Variants in CLEC16A observed in about 807,000 individuals in gnomAD.
CLEC16A encodes protein CLEC16A.
Under a neutral mutation model 109.5 loss-of-function variants are expected in CLEC16A, and 51 were observed. That is an observed-to-expected ratio of 0.47 (90% CI 0.37 to 0.59). The LOEUF (loss-of-function observed/expected upper bound fraction) is 0.59. CLEC16A is among the 20% of genes least tolerant of loss of function. CLEC16A has a pLI of 0.00. For synonymous variants in CLEC16A, 673 were observed against 564.2 expected, an observed-to-expected ratio of 1.19 and a Z score of -2.73; for missense variants, 1,339 against 1,394.0, an observed-to-expected ratio of 0.96 and a Z score of 0.63.
chr16:11,047,578 A>G (rs1237705790), intron 17 of CLEC16A: 2 of 350,514 alleles, frequency 5.7e-6, no homozygotes, highest in East Asian at 5.0e-5. Flanking sequence ...ATTCTCTGCT[A>G]TGAATAGTAA....
In CLEC16A at chr16:11,126,474, C is replaced by T. The variant is rs1385872093; in HGVS notation, c.2641+328C>T. 8.7e-6 allele frequency: 10 copies of T among 1,146,342 alleles called. No homozygotes were observed. The East Asian group carries it at 1.6e-4, about 18-fold the overall frequency. 71.0% of individuals were successfully genotyped at this position (1,146,342 alleles called of 1,614,324 possible). Reference sequence around the variant, plus strand: ...TGCTGAAGTTGTGGGAGAGTAATTTCCTTCTCCATGTAAGATGACTAGAAA... The same window carrying T: ...TGCTGAAGTTGTGGGAGAGTAATTTTCTTCTCCATGTAAGATGACTAGAAA... On this transcript the variant is annotated intron_variant, in intron 22 of 23. Coordinates refer to ENST00000409790, the MANE Select transcript of CLEC16A (RefSeq NM_015226.3).
chr16:11,092,979 G>T (rs533429223), intron 19 of CLEC16A, among the ~76,000 whole-genome samples: 117 of 152,294 alleles, frequency 7.7e-4, no homozygotes, highest in African/African-American at 2.6e-3. Context: ...CCCTACCCCA[G>T]TGTCGAGGCC....
intron 10 of CLEC16A, among the ~76,000 whole-genome samples, chr16:10,987,754 C>T (rs2043761900): frequency 6.6e-6 from 1 of 152,206 alleles, no homozygotes; most frequent in African/African-American, 2.4e-5. Context: ...CGAGAACAGA[C>T]TCCTATTGTT....
chr16:11,156,994 C>A, intron 22 of CLEC16A: 1 of 1,167,706 alleles, frequency 8.6e-7, no homozygotes, highest in Non-Finnish European at 1.1e-6. Flanking sequence ...GACCTTCACC[C>A]GACAGCAAAA....
At chr16:11,062,710 TTCTTGGAAGAA>T (rs2048549140) in intron 19 of CLEC16A, among the ~76,000 whole-genome samples, 1 of 152,210 alleles carries the variant, frequency 6.6e-6, no homozygotes, top group African/African-American at 2.4e-5. Context: ...ATCTTTCCCT[TTCTTGGAAGAA>T]TAAAGCAGCT....
chr16:11,039,851 G>A lies in CLEC16A; in HGVS notation c.1635G>A (p.Arg545=), dbSNP rs779134465. The change falls in exon 14 of 24, where the codon AGG becomes AGA. Residue 545 remains arginine (R), a synonymous_variant. Transcript: ENST00000409790. ...YNHPLAERLI[R]IMNNAAQPDG... is the part of the protein sequence containing the mutation. ...ACCCGCTAGCTGAAAGACTCATCAG[G>A]ATCATGAACAACGCTGCCCAGCCAG... The A allele has an allele frequency of 1.2e-6, 2 of 1,612,922 alleles. No homozygotes were observed. Among genetic ancestry groups the A allele is most frequent in the East Asian group, 2.2e-5 (1 of 44,842 alleles).
In CLEC16A at chr16:11,020,336, G is replaced by A. The variant is rs200493825; in HGVS notation, c.1436+11G>A. On this transcript the variant is annotated intron_variant, in intron 12 of 23. Transcript: ENST00000409790. Reference sequence around the variant, plus strand: ...CACGCAATGGAGCAGGTAGCTGCCCGAGAGGTCGATGCTGAGTGCTCTCTC... The same window carrying A: ...CACGCAATGGAGCAGGTAGCTGCCCAAGAGGTCGATGCTGAGTGCTCTCTC... 1.9e-5 allele frequency: 31 copies of A among 1,600,294 alleles called. No homozygotes were observed. The highest frequency in any genetic ancestry group is 6.9e-5 in the Admixed American group (4 of 57,782).
chr16:11,122,770 G>T (rs879888889), intron 20 of CLEC16A, among the ~76,000 whole-genome samples: 1 of 152,088 alleles, frequency 6.6e-6, no homozygotes, highest in Admixed American at 6.6e-5. Context: ...GATTGTCTAT[G>T]CAGAGTCCGT....
intron 10 of CLEC16A, among the ~76,000 whole-genome samples, chr16:10,993,489 A>G (rs1452722526): frequency 6.6e-6 from 1 of 152,214 alleles, no homozygotes; most frequent in African/African-American, 2.4e-5. Context: ...CCCATAAGGA[A>G]GCCAAGGTTC....
At position 10,957,901 on chromosome 16, in the gene CLEC16A, C is replaced by T. The variant is rs200715491; in HGVS notation, c.200C>T (p.Ser67Phe). ...ATCTGGGGAGATCAAAATGACAGCT[C>T]TGTATTTGAGTAAGGGTTTCTAATG... ...ILIWGDQNDSSVFDFFLEKNM... is the reference protein window; with the variant it reads ...ILIWGDQNDSFVFDFFLEKNM... The change falls in exon 2 of 24, where the codon TCT becomes TTT. Residue 67 changes from serine (S) to phenylalanine (F), a missense_variant. This residue lies in a region of CLEC16A where 117 missense variants were observed against 120.2 expected (regional missense o/e 0.97). Coordinates refer to ENST00000409790, the MANE Select transcript of CLEC16A (RefSeq NM_015226.3). 1 of 1,613,662 alleles carries T rather than the reference C, an allele frequency of 6.2e-7. No homozygotes were observed. Among genetic ancestry groups the T allele is most frequent in the African/African-American group, 1.3e-5 (1 of 74,880 alleles).
chr16:10,969,357 C>G lies in CLEC16A; in HGVS notation c.492+48C>G. ...CGTGTGGGTGTAAAGCCACACGTGG[C>G]TTTTTTTTTTTTTTTTTACGGCAGC... On this transcript the variant is annotated intron_variant, in intron 4 of 23. Coordinates refer to ENST00000409790, the MANE Select transcript of CLEC16A (RefSeq NM_015226.3). The G allele has an allele frequency of 2.0e-6, 2 of 999,056 alleles. No individual in the cohort carries two copies. The highest frequency in any genetic ancestry group is 1.4e-6 in the Non-Finnish European group (1 of 736,942). The allele number at this position is 999,056 out of a possible 1,614,324, so 61.9% of individuals were successfully genotyped here. A position where few individuals can be genotyped will look rare whatever the true frequency, so the allele number is the denominator to read the frequency against.
intron 22 of CLEC16A, among the ~76,000 whole-genome samples, chr16:11,150,927 TCTAC>T (rs2054269494): frequency 6.6e-6 from 1 of 152,190 alleles, no homozygotes; most frequent in Non-Finnish European, 1.5e-5. Flanking sequence ...CACGTGATGT[TCTAC>T]CTGTGTGAAA....
Position 11,125,996 on chromosome 16 carries a change from A to C in CLEC16A, c.2491A>C (p.Ile831Leu), listed in dbSNP as rs1382672955. 1 of 1,591,644 alleles carries C rather than the reference A, an allele frequency of 6.3e-7. No homozygotes were observed. Among genetic ancestry groups the C allele is most frequent in the Non-Finnish European group, 8.5e-7 (1 of 1,170,422 alleles). ...QRIAALLDLP[I>L]QPTTEVLGFG... ...GACCGTAGCCCTCCTGGACCTCCCA[A>C]TCCAGCCCACCACTGAAGTCCTGGG... Residue 831 changes from isoleucine to leucine, a missense_variant, in exon 22 of 24, where the codon ATC (isoleucine) becomes CTC (leucine). Ile to Leu is a conservative substitution (Grantham distance 5). Coordinates refer to ENST00000409790, the MANE Select transcript of CLEC16A (RefSeq NM_015226.3).
chr16:11,140,248 C>A (rs765315536), intron 22 of CLEC16A, among the ~76,000 whole-genome samples: 8 of 152,204 alleles, frequency 5.3e-5, no homozygotes, highest in Non-Finnish European at 1.2e-4. Flanking sequence ...GTTCCAGGCA[C>A]ACTCCAGCCT....
chr16:11,106,195 T>G (rs1260816407), intron 19 of CLEC16A, among the ~76,000 whole-genome samples: 1 of 152,178 alleles, frequency 6.6e-6, no homozygotes, highest in Non-Finnish European at 1.5e-5. Context: ...AAAATTTTAT[T>G]TTGAAACCTT....
At chr16:11,078,064 A>G (rs1239065266) in intron 19 of CLEC16A, among the ~76,000 whole-genome samples, 1 of 150,776 alleles carries the variant, frequency 6.6e-6, no homozygotes, top group African/African-American at 2.4e-5. Flanking sequence ...ATAAATTTTC[A>G]TTTTTACTTT....
intron 19 of CLEC16A, among the ~76,000 whole-genome samples, chr16:11,101,660 G>T (rs191948380): frequency 9.9e-4 from 151 of 152,276 alleles, no homozygotes; most frequent in African/African-American, 3.3e-3. Flanking sequence ...GAACAAAAAT[G>T]ACAAAAATCC....
At chr16:11,047,951 T>C (rs973090724) in intron 17 of CLEC16A, 1 of 152,226 alleles carries the variant, frequency 6.6e-6, no homozygotes, top group African/African-American at 2.4e-5. Context: ...CTCACTATCA[T>C]GAGAACAGTA....
At chr16:11,122,413 G>A (rs144865932) in intron 20 of CLEC16A, among the ~76,000 whole-genome samples, 40 of 152,220 alleles carry the variant, frequency 2.6e-4, no homozygotes, top group Middle Eastern at 6.8e-3. Context: ...TTAGTGTCAG[G>A]CAAGTGTTTT....
Sources: gnomAD v4.1 joint callset for allele counts (sites outside exome capture counted in the v4.1 genomes callset) on GRCh38, gnomAD v4.1.1 for gene constraint, gnomAD v4.1.1 regional missense constraint, MANE v1.5 for transcripts, NCBI Gene and HGNC (gene_info 2026-07-23, HGNC 2026-07-21) for gene names.